Variants in UACA observed in about 807,000 individuals in gnomAD.
The protein encoded by UACA is nuclear membrane binding protein.
In UACA, 112 loss-of-function variants were observed where a neutral mutation model predicts 160.5. The ratio of observed to expected loss-of-function variants is 0.70; its 90% CI spans 0.60 to 0.82. The LOEUF (loss-of-function observed/expected upper bound fraction) is 0.82. Ranked by LOEUF, UACA falls within the 40% of genes least tolerant of loss-of-function variation. The pLI, the probability that UACA is intolerant of heterozygous loss-of-function variation, is 0.00. For missense variants in UACA, 1,574 were observed against 1,614.6 expected (o/e 0.97, Z 0.43); for synonymous variants, 557 against 568.4 (o/e 0.98, Z 0.29).
chr15:70,754,973 G>T (rs1260966501), intron 1 of UACA, among the ~76,000 whole-genome samples: 1 of 152,176 alleles, frequency 6.6e-6, no homozygotes, highest in Admixed American at 6.5e-5. Context: ...ATTCCCCACA[G>T]AAATCAATTT....
chr15:70,712,697 G>A (rs912595211), intron 1 of UACA, among the ~76,000 whole-genome samples: 3 of 152,092 alleles, frequency 2.0e-5, no homozygotes, highest in Non-Finnish European at 4.4e-5. Context: ...AGGAGATTAG[G>A]GGATTTGGTC....
chr15:70,773,123 G>C, the UACA span, among the ~76,000 whole-genome samples: 2 of 151,020 alleles, frequency 1.3e-5, no homozygotes, highest in African/African-American at 4.9e-5. Flanking sequence ...AGAGGAAATG[G>C]CTAGAGAATA....
intron 1 of UACA, among the ~76,000 whole-genome samples, chr15:70,700,522 A>G (rs74021842): frequency 0.016 from 2,393 of 151,940 alleles, 58 homozygotes; most frequent in African/African-American, 0.053. Flanking sequence ...TTTATAAAAA[A>G]TGTTTTTTAT....
chr15:70,680,899 T>C (rs1012928029), intron 9 of UACA, among the ~76,000 whole-genome samples: 1 of 152,208 alleles, frequency 6.6e-6, no homozygotes, highest in African/African-American at 2.4e-5. Flanking sequence ...TACATATCAA[T>C]AGTCCTTATC....
chr15:70,752,346 ACCCACAGGGCCTC>A (rs2030136819), intron 1 of UACA, among the ~76,000 whole-genome samples: 3 of 151,954 alleles, frequency 2.0e-5, no homozygotes, highest in Admixed American at 6.6e-5. Flanking sequence ...CTACAACCAC[ACCCACAGGGCCTC>A]CCCACTGGGA....
chr15:70,660,106 T>C, intron 18 of UACA, 45 bp downstream of exon 18: 2 of 1,467,448 alleles, frequency 1.4e-6, no homozygotes, highest in Non-Finnish European at 1.9e-6. Context: ...AAAAAATTAT[T>C]ATCTCTAAAG....
At position 70,668,386 on chromosome 15, in the gene UACA, T is replaced by TCTA. The variant is rs771141640; in HGVS notation, c.2295_2297dup (p.Asn765_Arg766insSer). On this transcript the variant is annotated inframe_insertion, in exon 16 of 19. Transcript: ENST00000322954. Reference sequence around the variant, plus strand: ...ATTTTTGTGTTACATCTAAAAGCTTTCTATTAAGATCATCAATAATTGCAT... The same window carrying TCTA: ...ATTTTTGTGTTACATCTAAAAGCTTTCTACTATTAAGATCATCAATAATTGCAT... The TCTA allele has an allele frequency of 2.5e-6, 4 of 1,607,476 alleles. No individual in the cohort carries two copies. The Admixed American group carries it at 6.8e-5, about 27-fold the overall frequency.
At chr15:70,725,937 C>T (rs955812643) in intron 1 of UACA, among the ~76,000 whole-genome samples, 3 of 152,064 alleles carry the variant, frequency 2.0e-5, no homozygotes, top group Non-Finnish European at 4.4e-5. Flanking sequence ...TTGATCATTA[C>T]CCACTCCATG....
chr15:70,668,631 C>G lies in UACA; in HGVS notation c.2053G>C (p.Glu685Gln). Residue 685 changes from glutamate (E) to glutamine (Q), a missense_variant, in exon 16 of 19, where the codon GAG becomes CAG. Glu to Gln is a conservative substitution (Grantham distance 29). Coordinates refer to ENST00000322954, the MANE Select transcript of UACA (RefSeq NM_018003.4). Reference protein sequence around the residue: ...KAKLAQHVKPEEHEQVKSRLE... With the variant: ...KAKLAQHVKPQEHEQVKSRLE... ...CTGCTCTTAACCTGTTCATGTTCCT[C>G]TGGTTTGACGTGCTGAGCAAGCTTG... The G allele has an allele frequency of 6.2e-7, 1 of 1,614,030 alleles. No homozygotes were observed. The highest frequency in any genetic ancestry group is 8.5e-7 in the Non-Finnish European group (1 of 1,180,002).
At chr15:70,749,221 A>G (rs1396865920) in intron 1 of UACA, 5 of 448,006 alleles carry the variant, frequency 1.1e-5, no homozygotes, top group African/African-American at 2.0e-5. Flanking sequence ...CAATTTTTTC[A>G]TAACAAAAAG....
chr15:70,662,250 T>C (rs1896735571), intron 17 of UACA, among the ~76,000 whole-genome samples: 1 of 152,068 alleles, frequency 6.6e-6, no homozygotes, highest in Non-Finnish European at 1.5e-5. Context: ...ATGAGTGAAC[T>C]CCCATTCACG....
In UACA at chr15:70,656,125, T is replaced by C. The variant is rs991353434; in HGVS notation, c.*931A>G. 2 of 152,222 alleles carry C rather than the reference T, an allele frequency of 1.3e-5. No homozygotes were observed. Among genetic ancestry groups the C allele is most frequent in the African/African-American group, 2.4e-5 (1 of 41,468 alleles). 9.4% of individuals were successfully genotyped at this position (152,222 alleles called of 1,614,324 possible). On this transcript the variant is annotated 3_prime_UTR_variant, in exon 19 of 19. Coordinates refer to ENST00000322954, the MANE Select transcript of UACA (RefSeq NM_018003.4). ...CTGTTATCTAAAATCAATTCTCTAA[T>C]GCTAATTTTGCAGGAAAACTGTATT...
intron 1 of UACA, among the ~76,000 whole-genome samples, chr15:70,714,321 G>T (rs1595905912): frequency 6.6e-6 from 1 of 152,264 alleles, no homozygotes; most frequent in African/African-American, 2.4e-5. Context: ...AAAAGGAAAA[G>T]AATGTTAAAA....
At chr15:70,723,469 A>G (rs551951159) in intron 1 of UACA, among the ~76,000 whole-genome samples, 29 of 152,252 alleles carry the variant, frequency 1.9e-4, no homozygotes, top group African/African-American at 6.7e-4. Flanking sequence ...CCTTACCTCT[A>G]AAGTATAATC....
chr15:70,690,427 T>C (rs750247212), intron 5 of UACA, 27 bp downstream of exon 5: 2 of 1,605,718 alleles, frequency 1.2e-6, no homozygotes, highest in Non-Finnish European at 1.7e-6. Context: ...TAACAAATAT[T>C]TGTATCCAAG....
intron 7 of UACA, among the ~76,000 whole-genome samples, chr15:70,684,658 A>C (rs1048480868): frequency 3.3e-5 from 5 of 152,054 alleles, no homozygotes; most frequent in Non-Finnish European, 5.9e-5. Context: ...ATCAGTAAGG[A>C]ATGTTTTGCT....
At position 70,701,915 on chromosome 15, in the gene UACA, T is replaced by C. The variant is rs574170281; in HGVS notation, c.79-2255A>G. The C allele has an allele frequency of 6.2e-6, 10 of 1,613,460 alleles. No individual in the cohort carries two copies. The East Asian group carries it at 1.1e-4, about 18-fold the overall frequency. On this transcript the variant is annotated intron_variant, in intron 1 of 18. Transcript: ENST00000322954. ...GTACAAGAAAACCAACAGTTCATCA[T>C]AGACAGGATTTAGTTTCTTGTTGCT... is the stretch of plus-strand genomic sequence containing the variant.
chr15:70,668,503 C>T lies in UACA; in HGVS notation c.2181G>A (p.Lys727=). 6.2e-7 allele frequency: 1 copy of T among 1,610,934 alleles called. No homozygotes were observed. Among genetic ancestry groups the T allele is most frequent in the Admixed American group, 1.7e-5 (1 of 59,538 alleles). ...KEIEKVYLDN[K]LLKEQAHNLT... Reference sequence around the variant, plus strand: ...AGTTATGTGCTTGCTCCTTGAGGAGCTTATTATCCAAATAAACTTTTTCAA... The same window carrying T: ...AGTTATGTGCTTGCTCCTTGAGGAGTTTATTATCCAAATAAACTTTTTCAA... Residue 727 remains lysine (K), a synonymous_variant, in exon 16 of 19, where the codon AAG becomes AAA. Transcript: ENST00000322954.
rs1426836032 is a variant in UACA at position 70,656,215 on chromosome 15, T to C, written c.*841A>G. Reference sequence around the variant, plus strand: ...AAGCATGAAACATTTGGAGGATGCATATATAATGAGTGCTTGGTTACTATA... The same window carrying C: ...AAGCATGAAACATTTGGAGGATGCACATATAATGAGTGCTTGGTTACTATA... On this transcript the variant is annotated 3_prime_UTR_variant, in exon 19 of 19. Transcript: ENST00000322954. 1 of 152,174 alleles carries C rather than the reference T, an allele frequency of 6.6e-6. No individual in the cohort carries two copies. The highest frequency in any genetic ancestry group is 1.5e-5 in the Non-Finnish European group (1 of 68,028). 9.4% of individuals were successfully genotyped at this position (152,174 alleles called of 1,614,324 possible). A position where few individuals can be genotyped will look rare whatever the true frequency, so the allele number is the denominator to read the frequency against.
Sources: allele counts gnomAD v4.1 joint callset (sites outside exome capture counted in the v4.1 genomes callset), GRCh38; gene constraint gnomAD v4.1.1; transcripts MANE v1.5; gene names NCBI Gene and HGNC (gene_info 2026-07-23, HGNC 2026-07-21).